Variants in ADGRB3 observed in about 807,000 individuals in gnomAD.
ADGRB3 encodes the protein adhesion G protein-coupled receptor B3.
A neutral mutation model predicts 193.4 loss-of-function variants in ADGRB3; 37 were observed. The ratio of observed to expected loss-of-function variants is 0.19; its 90% CI spans 0.15 to 0.25. ADGRB3 has a LOEUF of 0.25. Among genes scored for constraint, ADGRB3 ranks in the 10% least tolerant of loss-of-function variants. ADGRB3 has a pLI of 1.00. For missense variants in ADGRB3, 1,637 were observed against 1,852.9 expected, an observed-to-expected ratio of 0.88 and a Z score of 2.14; for synonymous variants, 690 against 644.2, an observed-to-expected ratio of 1.07 and a Z score of -1.08.
chr6:69,242,239 G>C (rs1291487455), intron 20 of ADGRB3, among the ~76,000 whole-genome samples: 1 of 151,828 alleles, frequency 6.6e-6, no homozygotes, highest in Non-Finnish European at 1.5e-5. Flanking sequence ...ACTATTTTTT[G>C]AAAATGTAAA....
intron 3 of ADGRB3, among the ~76,000 whole-genome samples, chr6:68,833,575 T>TTTTTTTTTTTTTTTTG (rs1554202417): frequency 1.3e-5 from 2 of 150,390 alleles, no homozygotes; most frequent in African/African-American, 2.4e-5. Flanking sequence ...ATTCTTATAT[T>TTTTTTTTTTTTTTTTG]AAAGAATGAA....
At chr6:69,374,917 G>A (rs1330413100) in intron 30 of ADGRB3, among the ~76,000 whole-genome samples, 1 of 152,070 alleles carries the variant, frequency 6.6e-6, no homozygotes, top group Non-Finnish European at 1.5e-5. Flanking sequence ...ACGTTTCAAA[G>A]ATAGCCACAC....
intron 20 of ADGRB3, among the ~76,000 whole-genome samples, chr6:69,251,179 GCCT>G (rs1766609865): frequency 6.6e-6 from 1 of 152,120 alleles, no homozygotes; most frequent in Non-Finnish European, 1.5e-5. Context: ...TCTTTTCTCT[GCCT>G]CCTAACTTTT....
At chr6:68,677,512 TC>T (rs1769123429) in intron 3 of ADGRB3, among the ~76,000 whole-genome samples, 2 of 138,038 alleles carry the variant, frequency 1.4e-5, no homozygotes, top group Non-Finnish European at 1.6e-5. Context: ...TTCTTTTTTT[TC>T]TTTTTTTCTT....
chr6:68,711,144 T>C (rs915718155), intron 3 of ADGRB3, among the ~76,000 whole-genome samples: 2 of 152,120 alleles, frequency 1.3e-5, no homozygotes, highest in Admixed American at 6.6e-5. Context: ...ACGAGGGCAA[T>C]TGATGCTATC....
At chr6:69,131,028 A>G (rs1265296237) in intron 17 of ADGRB3, among the ~76,000 whole-genome samples, 1 of 152,138 alleles carries the variant, frequency 6.6e-6, no homozygotes, top group East Asian at 1.9e-4. Flanking sequence ...AAGAACCACT[A>G]AAACAGAATA....
chr6:69,139,166 C>G (rs551889598), intron 17 of ADGRB3, among the ~76,000 whole-genome samples: 3 of 152,316 alleles, frequency 2.0e-5, no homozygotes, highest in South Asian at 4.1e-4. Context: ...CCCAAGGTAG[C>G]GCTTTACCGG....
intron 20 of ADGRB3, among the ~76,000 whole-genome samples, chr6:69,322,627 A>G (rs1014390544): frequency 6.6e-6 from 1 of 151,886 alleles, no homozygotes; most frequent in African/African-American, 2.4e-5. Context: ...AGCATTTTTC[A>G]TACACTTGTT....
intron 3 of ADGRB3, among the ~76,000 whole-genome samples, chr6:68,641,722 A>C (rs1050384811): frequency 2.0e-5 from 3 of 152,176 alleles, no homozygotes; most frequent in Non-Finnish European, 4.4e-5. Context: ...TACAAAATAC[A>C]TGTACCACTC....
At chr6:68,805,492 A>T (rs979618996) in intron 3 of ADGRB3, among the ~76,000 whole-genome samples, 1 of 152,186 alleles carries the variant, frequency 6.6e-6, no homozygotes, top group Non-Finnish European at 1.5e-5. Context: ...TATGAGTCGA[A>T]CTTTGTCTTA....
intron 20 of ADGRB3, among the ~76,000 whole-genome samples, chr6:69,304,600 G>T (rs1373279335): frequency 6.6e-6 from 1 of 151,510 alleles, no homozygotes; most frequent in Non-Finnish European, 1.5e-5. Flanking sequence ...TATTTTGTCA[G>T]TCTCTGTATG....
intron 17 of ADGRB3, among the ~76,000 whole-genome samples, chr6:69,097,475 T>C (rs1230977302): frequency 6.6e-6 from 1 of 152,196 alleles, no homozygotes; most frequent in Non-Finnish European, 1.5e-5. Flanking sequence ...ACAAATGCAA[T>C]ATATCTAACC....
At chr6:69,297,392 A>C (rs200086064) in intron 20 of ADGRB3, among the ~76,000 whole-genome samples, 8,177 of 111,874 alleles carry the variant, frequency 0.073, 52 homozygotes, top group East Asian at 0.12. Context: ...CTCTCTCTCT[A>C]TCTCTCTCTC....
At chr6:68,846,688 A>C (rs187612002) in intron 3 of ADGRB3, among the ~76,000 whole-genome samples, 6 of 152,356 alleles carry the variant, frequency 3.9e-5, no homozygotes, top group Non-Finnish European at 8.8e-5. Flanking sequence ...AGCTCCACCT[A>C]GATTTCAGAA....
chr6:68,919,350 G>C lies in ADGRB3; in HGVS notation c.758-11209G>C, dbSNP rs148209986. On this transcript the variant is annotated intron_variant, in intron 3 of 31. Transcript: ENST00000370598. ...GTTAAAAAGAAATGCGAAATGTACA[G>C]CAAGGAGTAGGGTCTCCTAAGGGAA... Among the ~76,000 whole-genome samples, 772 of 152,254 alleles carry C rather than the reference G, an allele frequency of 5.1e-3. 6 individuals are homozygous for C. The highest frequency in any genetic ancestry group is 0.017 in the African/African-American group (713 of 41,534).
intron 3 of ADGRB3, among the ~76,000 whole-genome samples, chr6:68,926,208 G>A (rs559318234): frequency 1.3e-5 from 2 of 152,192 alleles, no homozygotes; most frequent in South Asian, 4.1e-4. Context: ...AGCAGGAGGT[G>A]ATTTTAAAAT....
At chr6:68,656,023 G>A (rs1768482065) in intron 3 of ADGRB3, among the ~76,000 whole-genome samples, 1 of 151,530 alleles carries the variant, frequency 6.6e-6, no homozygotes, top group South Asian at 2.1e-4. Flanking sequence ...AGTAACCAAA[G>A]TATAATTTAT....
chr6:68,884,810 G>C (rs1046085678), intron 3 of ADGRB3, among the ~76,000 whole-genome samples: 1 of 152,150 alleles, frequency 6.6e-6, no homozygotes, highest in African/African-American at 2.4e-5. Context: ...TTTTTGGAAA[G>C]GTCAGATTCT....
At chr6:69,046,122 T>C (rs1261245369) in intron 13 of ADGRB3, among the ~76,000 whole-genome samples, 1 of 152,192 alleles carries the variant, frequency 6.6e-6, no homozygotes, top group Non-Finnish European at 1.5e-5. Flanking sequence ...CTGTTTGTTT[T>C]TTGTTTTCCA....
Sources: allele counts gnomAD v4.1 joint callset (sites outside exome capture counted in the v4.1 genomes callset), GRCh38; gene constraint gnomAD v4.1.1; transcripts MANE v1.5; gene names NCBI Gene and HGNC (gene_info 2026-07-23, HGNC 2026-07-21).